The following PTPRM variants were observed in gnomAD, a reference collection of about 807,000 sequenced individuals.
PTPRM encodes receptor-type tyrosine-protein phosphatase mu.
In PTPRM, 47 loss-of-function variants were observed where a neutral mutation model predicts 186.7. The ratio of observed to expected loss-of-function variants is 0.25; its 90% CI spans 0.20 to 0.32. PTPRM has a LOEUF of 0.32. Among genes scored for constraint, PTPRM ranks in the 10% least tolerant of loss-of-function variants. PTPRM has a pLI of 1.00. For synonymous variants in PTPRM, 668 were observed against 674.9 expected, an observed-to-expected ratio of 0.99 and a Z score of 0.16; for missense variants, 1,494 against 1,865.0, an observed-to-expected ratio of 0.80 and a Z score of 3.66.
intron 1 of PTPRM, among the ~76,000 whole-genome samples, chr18:7,625,424 T>A (rs1203215899): frequency 6.6e-6 from 1 of 152,218 alleles, no homozygotes; most frequent in South Asian, 2.1e-4. Context: ...AGAAGAAATA[T>A]GGCCTAATTC....
At chr18:8,177,723 G>A (rs2093507093) in intron 14 of PTPRM, among the ~76,000 whole-genome samples, 1 of 152,340 alleles carries the variant, frequency 6.6e-6, no homozygotes, top group South Asian at 2.1e-4. Flanking sequence ...AAAAGCTTTG[G>A]AGCAGGGAGG....
chr18:8,076,897 A>G (rs1433957042), intron 9 of PTPRM, among the ~76,000 whole-genome samples: 1 of 152,152 alleles, frequency 6.6e-6, no homozygotes. Context: ...ACAGAATTCT[A>G]TTCTTGCTTA....
At chr18:7,811,855 A>G (rs1352815061) in intron 2 of PTPRM, among the ~76,000 whole-genome samples, 5 of 152,186 alleles carry the variant, frequency 3.3e-5, no homozygotes, top group Admixed American at 1.3e-4. Flanking sequence ...AAGGGTTAAT[A>G]TAACCAGTGT....
chr18:7,958,227 T>C (rs1156673227), intron 7 of PTPRM, among the ~76,000 whole-genome samples: 1 of 116,544 alleles, frequency 8.6e-6, no homozygotes, highest in African/African-American at 3.2e-5. Context: ...AAAAAAAAAA[T>C]CCTAAAATAA....
chr18:7,961,762 C>G (rs2053694753), intron 7 of PTPRM, among the ~76,000 whole-genome samples: 1 of 152,140 alleles, frequency 6.6e-6, no homozygotes, highest in African/African-American at 2.4e-5. Context: ...AAGAAGTATA[C>G]ACATTTTTAT....
rs148423574 is a variant in PTPRM at position 8,155,159 on chromosome 18, T to C, written c.2300+11380T>C. 2.0e-5 allele frequency: 3 copies of C among 152,314 alleles called. No individual in the cohort carries two copies. In the East Asian group the frequency reaches 5.8e-4, roughly 29 times the overall value. 9.4% of individuals were successfully genotyped at this position (152,314 alleles called of 1,614,324 possible). A position where few individuals can be genotyped will look rare whatever the true frequency, so the allele number is the denominator to read the frequency against. ...TTCATCCATGTATAATTAGATATAT[T>C]TGTATAAATGAAAATACCTGTATTT... On this transcript the variant is annotated intron_variant, in intron 14 of 32. Coordinates refer to ENST00000580170, the MANE Select transcript of PTPRM (RefSeq NM_001105244.2).
At chr18:8,088,913 C>A in intron 11 of PTPRM, 62 bp downstream of exon 11, 2 of 1,262,616 alleles carry the variant, frequency 1.6e-6, no homozygotes, top group South Asian at 1.2e-5. Flanking sequence ...TTGATTAATT[C>A]CTCCAATGTG....
chr18:7,722,826 A>G (rs1236459442), intron 1 of PTPRM, among the ~76,000 whole-genome samples: 3 of 152,212 alleles, frequency 2.0e-5, no homozygotes, highest in Non-Finnish European at 4.4e-5. Flanking sequence ...TAAAACAGGG[A>G]CAGAGAGCTC....
intron 9 of PTPRM, among the ~76,000 whole-genome samples, chr18:8,084,864 A>T (rs1391930570): frequency 6.6e-6 from 1 of 152,064 alleles, no homozygotes; most frequent in South Asian, 2.1e-4. Flanking sequence ...AAAGGCACCT[A>T]TGTTATATTT....
At chr18:7,828,650 G>A (rs1324487702) in intron 2 of PTPRM, among the ~76,000 whole-genome samples, 2 of 152,126 alleles carry the variant, frequency 1.3e-5, no homozygotes, top group Non-Finnish European at 2.9e-5. Context: ...GTACATCTGT[G>A]TGAAAGGATT....
chr18:7,718,524 C>T (rs766402730), intron 1 of PTPRM, among the ~76,000 whole-genome samples: 2 of 152,106 alleles, frequency 1.3e-5, no homozygotes, highest in African/African-American at 2.4e-5. Flanking sequence ...TGACTAACAA[C>T]TCAAAAGCAA....
chr18:8,232,916 G>T (rs985002049), intron 14 of PTPRM, among the ~76,000 whole-genome samples: 1 of 152,182 alleles, frequency 6.6e-6, no homozygotes, highest in Non-Finnish European at 1.5e-5. Flanking sequence ...CAAGGAGGGG[G>T]GTGGTGGTTG....
chr18:8,375,892 A>T (rs2095691609), intron 24 of PTPRM, among the ~76,000 whole-genome samples, 154 bp from the exon 25 acceptor site: 1 of 152,160 alleles, frequency 6.6e-6, no homozygotes, highest in South Asian at 2.1e-4. Context: ...ATTGTGTGTG[A>T]GATCTAAGGA....
intron 19 of PTPRM, among the ~76,000 whole-genome samples, chr18:8,282,415 C>T (rs1435328278): frequency 6.6e-6 from 1 of 152,200 alleles, no homozygotes; most frequent in Non-Finnish European, 1.5e-5. Context: ...GTAATTCCAG[C>T]ACTTTGGAAG....
intron 7 of PTPRM, among the ~76,000 whole-genome samples, chr18:8,030,291 G>A (rs1470358663): frequency 1.3e-5 from 2 of 152,196 alleles, no homozygotes; most frequent in Non-Finnish European, 2.9e-5. Context: ...ACTGAACATA[G>A]TTTGAGGTCT....
intron 20 of PTPRM, among the ~76,000 whole-genome samples, chr18:8,311,584 G>A (rs888435837): frequency 5.3e-5 from 8 of 152,120 alleles, no homozygotes; most frequent in Non-Finnish European, 1.0e-4. Flanking sequence ...ACAGGACATT[G>A]TAATCTAGTA....
chr18:8,331,735 C>A (rs1485148018), intron 22 of PTPRM, among the ~76,000 whole-genome samples: 1 of 152,186 alleles, frequency 6.6e-6, no homozygotes, highest in Non-Finnish European at 1.5e-5. Context: ...TAAGTGTGCA[C>A]CAACATCCTG....
chr18:8,250,281 TAGAC>T (rs1417332418), intron 17 of PTPRM, among the ~76,000 whole-genome samples: 2 of 152,116 alleles, frequency 1.3e-5, no homozygotes, highest in Non-Finnish European at 2.9e-5. Flanking sequence ...GATCGATAGA[TAGAC>T]AGACAGAACC....
intron 2 of PTPRM, among the ~76,000 whole-genome samples, chr18:7,885,896 G>T (rs571217227): frequency 1.3e-3 from 202 of 152,242 alleles, no homozygotes; most frequent in African/African-American, 4.8e-3. Flanking sequence ...TGGTAGAAAG[G>T]TACCCAGTTT....
Sources: allele counts gnomAD v4.1 joint callset (sites outside exome capture counted in the v4.1 genomes callset), GRCh38; gene constraint gnomAD v4.1.1; transcripts MANE v1.5; gene names NCBI Gene and HGNC (gene_info 2026-07-23, HGNC 2026-07-21).